CNNM1: variants seen among roughly 807,000 people sequenced by gnomAD.
The protein encoded by CNNM1 is metal transporter CNNM1.
CNNM1 carries 44 observed loss-of-function variants against 78.8 expected under a neutral mutation model. That is an observed-to-expected ratio of 0.56 (90% confidence interval 0.44 to 0.72). The LOEUF is 0.72. Ranked by LOEUF, CNNM1 falls within the 30% of genes least tolerant of loss-of-function variation. CNNM1 has a pLI of 0.00. For synonymous variants in CNNM1, 584 were observed against 581.5 expected, an observed-to-expected ratio of 1.00 and a Z score of -0.06; for missense variants, 1,101 against 1,292.2, an observed-to-expected ratio of 0.85 and a Z score of 2.27.
rs2032543342 is a variant in CNNM1, at chr10:99,393,786, G to A, written c.*2270G>A. The A allele has an allele frequency of 6.6e-6, 1 of 152,276 alleles. No individual in the cohort carries two copies. Among genetic ancestry groups the A allele is most frequent in the Admixed American group, 6.5e-5 (1 of 15,280 alleles). The allele number at this position is 152,276 out of a possible 1,614,324, so 9.4% of individuals were successfully genotyped here. A position where few individuals can be genotyped will look rare whatever the true frequency, so the allele number is the denominator to read the frequency against. Reference sequence around the variant, plus strand: ...CCAACAACCCAGAGCAGGTGTTGCAGACAGGAGGGCCACAGCGTGTGGAAG... The same window carrying A: ...CCAACAACCCAGAGCAGGTGTTGCAAACAGGAGGGCCACAGCGTGTGGAAG... On this transcript the variant is annotated 3_prime_UTR_variant, in exon 11 of 11. Coordinates refer to ENST00000356713, the MANE Select transcript of CNNM1 (RefSeq NM_020348.3).
chr10:99,364,916 G>C, intron 5 of CNNM1, 39 bp from the exon 6 acceptor site: 1 of 1,598,268 alleles, frequency 6.3e-7, no homozygotes, highest in African/African-American at 1.3e-5. Context: ...TGTGTTTTCT[G>C]AGTTGCCTCT....
At chr10:99,365,923 G>C (rs1456115199) in intron 6 of CNNM1, among the ~76,000 whole-genome samples, 4 of 152,200 alleles carry the variant, frequency 2.6e-5, no homozygotes, top group Admixed American at 2.6e-4. Context: ...CTAAGGAAAT[G>C]ACTTGCTTCA....
chr10:99,337,236 C>T (rs752664088), intron 1 of CNNM1, among the ~76,000 whole-genome samples: 15 of 152,198 alleles, frequency 9.9e-5, no homozygotes, highest in South Asian at 2.1e-4. Flanking sequence ...CAAATTCGTT[C>T]TCTCTAGTGC....
intron 7 of CNNM1, among the ~76,000 whole-genome samples, chr10:99,377,515 C>T (rs1259921551): frequency 2.0e-5 from 3 of 152,132 alleles, no homozygotes; most frequent in African/African-American, 7.2e-5. Context: ...AGAACCATTT[C>T]CTTTGCATCC....
At position 99,363,740 on chromosome 10, in the gene CNNM1, C is replaced by CTTT. The variant is rs869281521; in HGVS notation, c.2029-657_2029-655dup. On this transcript the variant is annotated intron_variant, in intron 4 of 10. Transcript: ENST00000356713. The stretch of plus-strand genomic sequence containing the variant: ...AGCTTCACACAGAATTAGATTTTAT[C>CTTT]TTTTTTTTTTTTTTTTTTTTTTGAG... Among the ~76,000 whole-genome samples the CTTT allele has an allele frequency of 1.5e-3, 182 of 121,884 alleles. 2 individuals carry two copies. Among genetic ancestry groups the CTTT allele is most frequent in the South Asian group, 5.2e-3 (18 of 3,462 alleles). 80.0% of individuals were successfully genotyped at this position (121,884 alleles called of 152,430 possible).
In CNNM1 at chr10:99,393,677, A is replaced by C. The variant is rs2032540529; in HGVS notation, c.*2161A>C. On this transcript the variant is annotated 3_prime_UTR_variant, in exon 11 of 11. Coordinates refer to ENST00000356713, the MANE Select transcript of CNNM1 (RefSeq NM_020348.3). ...TTGATGGGGAAGGCTGGCACCCACC[A>C]AGAAGTGGAAGTCCTCAGAAATTCT... The C allele has an allele frequency of 6.6e-6, 1 of 152,052 alleles. No individual in the cohort carries two copies. The allele number at this position is 152,052 out of a possible 1,614,324, so 9.4% of individuals were successfully genotyped here. A position where few individuals can be genotyped will look rare whatever the true frequency, so the allele number is the denominator to read the frequency against.
intron 6 of CNNM1, among the ~76,000 whole-genome samples, chr10:99,369,878 G>T (rs889191752): frequency 6.6e-6 from 1 of 152,104 alleles, no homozygotes; most frequent in African/African-American, 2.4e-5. Context: ...ACCACTTGAT[G>T]GACCTTCAAG....
rs1204412422 is a variant in CNNM1, at chr10:99,330,974, T to A, written c.1573+14T>A. ...AGTTTAAGAAGGGTGAGCAGTAGTC[T>A]ATCTTCTCCCCCAACTCCTATCCCC... On this transcript the variant is annotated intron_variant, in intron 1 of 10. Coordinates refer to ENST00000356713, the MANE Select transcript of CNNM1 (RefSeq NM_020348.3). 1.3e-6 allele frequency: 2 copies of A among 1,595,648 alleles called. No individual in the cohort carries two copies. The highest frequency in any genetic ancestry group is 2.3e-5 in the South Asian group (2 of 88,832).
chr10:99,389,479 A>T (rs1432779647), intron 9 of CNNM1, among the ~76,000 whole-genome samples: 2 of 151,920 alleles, frequency 1.3e-5, no homozygotes, highest in Non-Finnish European at 2.9e-5. Flanking sequence ...CTTGTGGCTG[A>T]CCCAGAAAAT....
intron 1 of CNNM1, among the ~76,000 whole-genome samples, chr10:99,348,022 G>GTA (rs2030780086): frequency 1.6e-5 from 1 of 62,478 alleles, no homozygotes; most frequent in Non-Finnish European, 3.8e-5. Context: ...TATATATGAT[G>GTA]TGTGTGTGTG....
chr10:99,356,605 A>AAAGAAAGAAAGAAAGAAAGAAAG, intron 1 of CNNM1, among the ~76,000 whole-genome samples: 1 of 56,398 alleles, frequency 1.8e-5, no homozygotes, highest in South Asian at 9.2e-4. Flanking sequence ...AGAAAGAAAG[A>AAAGAAAGAAAGAAAGAAAGAAAG]AAAGAAAGAA....
At chr10:99,373,795 A>G (rs751753170) in intron 6 of CNNM1, among the ~76,000 whole-genome samples, 3 of 152,208 alleles carry the variant, frequency 2.0e-5, no homozygotes, top group Admixed American at 6.5e-5. Context: ...TACAAGGGAA[A>G]TAATGCAGTC....
chr10:99,329,885 G>A lies in CNNM1; in HGVS notation c.498G>A (p.Glu166=). 7.2e-7 allele frequency: 1 copy of A among 1,394,324 alleles called. No individual in the cohort carries two copies. The highest frequency in any genetic ancestry group is 9.2e-7 in the Non-Finnish European group (1 of 1,081,576). 86.4% of individuals were successfully genotyped at this position (1,394,324 alleles called of 1,614,324 possible). Reference sequence around the variant, plus strand: ...CCCTGGTCCAGGTGCGAGTGCGGGAGCTGCGCAAGGGCGAAGCGGAGCGGG... The same window carrying A: ...CCCTGGTCCAGGTGCGAGTGCGGGAACTGCGCAAGGGCGAAGCGGAGCGGG... ...GSALVQVRVR[E]LRKGEAERGG... Residue 166 remains glutamate, a synonymous_variant, in exon 1 of 11, where the codon GAG becomes GAA. Transcript: ENST00000356713.
intron 3 of CNNM1, among the ~76,000 whole-genome samples, chr10:99,361,233 G>A (rs530001676): frequency 1.3e-5 from 2 of 152,288 alleles, no homozygotes; most frequent in African/African-American, 4.8e-5. Flanking sequence ...AGAAACCATT[G>A]CTGCACTTTT....
chr10:99,358,245 G>A (rs192007818), intron 2 of CNNM1, among the ~76,000 whole-genome samples: 2 of 152,072 alleles, frequency 1.3e-5, no homozygotes, highest in Admixed American at 6.5e-5. Flanking sequence ...CCTTCTTTCT[G>A]GTCTGCTGCC....
At chr10:99,360,997 G>T (rs769359458) in intron 3 of CNNM1, 22 bp downstream of exon 3, 2 of 1,582,468 alleles carry the variant, frequency 1.3e-6, no homozygotes, top group Admixed American at 1.8e-5. Flanking sequence ...CTCCACTCCA[G>T]AGAAGCTAAA....
Position 99,362,235 on chromosome 10 carries a change from C to A in CNNM1, c.1867C>A (p.Pro623Thr), listed in dbSNP as rs867673472. 6.2e-7 allele frequency: 1 copy of A among 1,609,988 alleles called. No homozygotes were observed. Among genetic ancestry groups the A allele is most frequent in the Non-Finnish European group, 8.5e-7 (1 of 1,178,338 alleles). The change falls in exon 4 of 11, where the codon CCC becomes ACC. Residue 623 changes from proline to threonine, a missense_variant. By Grantham distance (38) the Pro-to-Thr change is conservative. This residue lies in a region of CNNM1 where 277 missense variants were observed against 423.2 expected (regional missense o/e 0.65). Transcript: ENST00000356713. ...CACTCACTCTCCTCTAGAAGTGGAG[C>A]CCTTTAAGTCTCTGTACCTTTCGGA... is the stretch of plus-strand genomic sequence containing the variant. ...THRFMATEVEPFKSLYLSEKI... is the reference protein window; with the variant it reads ...THRFMATEVETFKSLYLSEKI...
intron 6 of CNNM1, among the ~76,000 whole-genome samples, chr10:99,374,874 G>C (rs1275016456): frequency 6.6e-6 from 1 of 152,172 alleles, no homozygotes. Flanking sequence ...GTAACAAGTA[G>C]TTACTAATAT....
intron 6 of CNNM1, among the ~76,000 whole-genome samples, chr10:99,371,088 T>C (rs1476623908): frequency 1.3e-5 from 2 of 152,192 alleles, no homozygotes; most frequent in African/African-American, 4.8e-5. Context: ...CCTCTGAATA[T>C]AGACATTTTA....
Sources: allele counts gnomAD v4.1 joint callset (sites outside exome capture counted in the v4.1 genomes callset), GRCh38; gene constraint gnomAD v4.1.1; regional missense constraint gnomAD v4.1.1; transcripts MANE v1.5; gene names NCBI Gene and HGNC (gene_info 2026-07-23, HGNC 2026-07-21).